SLMAP: variants seen among roughly 807,000 people sequenced by gnomAD.
The protein encoded by SLMAP is sarcolemmal membrane-associated protein.
SLMAP carries 44 observed loss-of-function variants against 128.8 expected under a neutral mutation model. The ratio of observed to expected loss-of-function variants is 0.34; its 90% CI spans 0.27 to 0.44. The LOEUF (loss-of-function observed/expected upper bound fraction) is 0.44, where lower values mean the gene tolerates loss of function less well. Ranked by LOEUF, SLMAP falls within the 20% of genes least tolerant of loss-of-function variation. The pLI is 1.00. For synonymous variants in SLMAP, 327 were observed against 348.8 expected, an observed-to-expected ratio of 0.94 and a Z score of 0.70; for missense variants, 787 against 985.3, an observed-to-expected ratio of 0.80 and a Z score of 2.69.
At chr3:57,825,931 G>A (rs931138047) in intron 2 of SLMAP, among the ~76,000 whole-genome samples, 22 of 152,044 alleles carry the variant, frequency 1.4e-4, no homozygotes, top group African/African-American at 5.3e-4. Context: ...GACTGTTTTC[G>A]AGACTTTTAA....
chr3:57,835,992 A>C (rs1328885298), intron 3 of SLMAP, among the ~76,000 whole-genome samples: 1 of 152,182 alleles, frequency 6.6e-6, no homozygotes, highest in East Asian at 1.9e-4. Context: ...TATCATACTA[A>C]AAACAATGGA....
At chr3:57,770,812 C>A (rs1480917774) in intron 2 of SLMAP, among the ~76,000 whole-genome samples, 1 of 152,072 alleles carries the variant, frequency 6.6e-6, no homozygotes, top group Admixed American at 6.6e-5. Context: ...ATTTTTCTTT[C>A]TTTTTTGGTT....
intron 17 of SLMAP, among the ~76,000 whole-genome samples, 190 bp from the exon 18 acceptor site, chr3:57,907,692 AAT>A (rs972798831): frequency 9.8e-5 from 15 of 152,302 alleles, no homozygotes; most frequent in East Asian, 9.6e-4. Flanking sequence ...CATGATTACT[AAT>A]ATATATAACT....
chr3:57,786,983 G>A (rs1045102728), intron 2 of SLMAP, among the ~76,000 whole-genome samples: 4 of 152,020 alleles, frequency 2.6e-5, no homozygotes, highest in Non-Finnish European at 5.9e-5. Context: ...TGATCCGCCC[G>A]CCTCGGCCTC....
At chr3:57,813,900 C>G (rs1451149032) in intron 2 of SLMAP, among the ~76,000 whole-genome samples, 20 of 151,746 alleles carry the variant, frequency 1.3e-4, no homozygotes, top group Admixed American at 1.1e-3. Flanking sequence ...GCCTATCTTC[C>G]TGAGCTTTTA....
intron 17 of SLMAP, chr3:57,897,777 A>G (rs376898941): frequency 3.0e-4 from 46 of 152,326 alleles, no homozygotes; most frequent in African/African-American, 1.1e-3. Context: ...TCTCACCTCT[A>G]AACAGGAAGT....
chr3:57,864,497 C>G (rs1479665134), intron 10 of SLMAP, 51 bp from the exon 11 acceptor site: 5 of 1,348,628 alleles, frequency 3.7e-6, no homozygotes, highest in Non-Finnish European at 5.1e-6. Context: ...GGGGCTCGCT[C>G]TTAAAACAGA....
In SLMAP at chr3:57,913,670, TG is replaced by T. The variant is rs2096747304; in HGVS notation, c.2138+396del. 2.0e-5 allele frequency among the ~76,000 whole-genome samples: 3 copies of T among 152,198 alleles called. No homozygotes were observed. The South Asian group carries it at 6.2e-4, about 32-fold the overall frequency. On this transcript the variant is annotated intron_variant, in intron 21 of 24. Coordinates refer to ENST00000671191, the MANE Select transcript of SLMAP (RefSeq NM_001377540.1). ...CAGGAAGTGACTATAATGAAGAATT[TG>T]TAAGGCTGGGCGTGGTGGTTCACGC...
intron 3 of SLMAP, among the ~76,000 whole-genome samples, chr3:57,834,108 G>GT (rs1310386530): frequency 3.3e-5 from 5 of 152,070 alleles, no homozygotes; most frequent in East Asian, 1.9e-4. Context: ...CCAAAATACA[G>GT]TAAGTCTTTT....
intron 13 of SLMAP, among the ~76,000 whole-genome samples, chr3:57,866,602 T>A (rs946042458): frequency 6.6e-6 from 1 of 152,234 alleles, no homozygotes; most frequent in Non-Finnish European, 1.5e-5. Context: ...TCCAATTTGA[T>A]GGAATTTAAA....
In SLMAP at chr3:57,922,970, G is replaced by A; in HGVS notation, c.2392G>A (p.Glu798Lys). 1 of 1,613,848 alleles carries A rather than the reference G, an allele frequency of 6.2e-7. No individual in the cohort carries two copies. Among genetic ancestry groups the A allele is most frequent in the South Asian group, 1.1e-5 (1 of 91,072 alleles). ...TEQEKQSITD[E>K]LKQCKNNLKL... ...GCAGGAAAAGCAGTCAATCACAGAT[G>A]AGCTCAAACAGTGTAAAAACAACCT... The change falls in exon 23 of 25, where the codon GAG becomes AAG. Residue 798 changes from glutamate to lysine, a missense_variant. By Grantham distance (56) the Glu-to-Lys change is moderately conservative. This residue lies in a region of SLMAP where 715 missense variants were observed against 843.6 expected (regional missense o/e 0.85). Transcript: ENST00000671191.
chr3:57,912,473 C>T lies in SLMAP; in HGVS notation c.1792C>T (p.Arg598Ter). 6.2e-7 allele frequency: 1 copy of T among 1,614,046 alleles called. No homozygotes were observed. Residue 598 changes from arginine (R) to a stop codon, truncating the protein, a stop_gained, in exon 20 of 25, where the codon CGA (arginine) becomes TGA (stop). Transcript: ENST00000671191. LOFTEE classifies it high-confidence loss of function. ...TACTAGAGATGAATTGCTTAGTGCC[C>T]GAGATGAAATTTTGCTCCTTCATCA... is the stretch of plus-strand genomic sequence containing the variant. ...TSTRDELLSA[R>*]DEILLLHQAA...
chr3:57,923,000 C>G lies in SLMAP; in HGVS notation c.2422C>G (p.Leu808Val). 1 of 1,613,818 alleles carries G rather than the reference C, an allele frequency of 6.2e-7. No individual in the cohort carries two copies. Among genetic ancestry groups the G allele is most frequent in the Non-Finnish European group, 8.5e-7 (1 of 1,179,932 alleles). Reference sequence around the variant, plus strand: ...CAAACAGTGTAAAAACAACCTGAAGCTGCTCCGAGAGAAAGGAAATAATGT... The same window carrying G: ...CAAACAGTGTAAAAACAACCTGAAGGTGCTCCGAGAGAAAGGAAATAATGT... The part of the protein sequence containing the change: ...ELKQCKNNLK[L>V]LREKGNNPSI... Residue 808 changes from leucine to valine, a missense_variant, in exon 23 of 25, where the codon CTG becomes GTG. Leu to Val is a conservative substitution (Grantham distance 32). This residue lies in a region of SLMAP where 715 missense variants were observed against 843.6 expected (regional missense o/e 0.85). Coordinates refer to ENST00000671191, the MANE Select transcript of SLMAP (RefSeq NM_001377540.1).
At chr3:57,833,790 T>TAA (rs532172231) in intron 3 of SLMAP, among the ~76,000 whole-genome samples, 8 of 145,798 alleles carry the variant, frequency 5.5e-5, no homozygotes, top group Admixed American at 1.4e-4. Context: ...AGATTAGATT[T>TAA]AAAAAAAAAA....
At chr3:57,906,332 T>TTTTTTTTTTTTTTTTTTTC (rs1491216777) in intron 17 of SLMAP, among the ~76,000 whole-genome samples, 1 of 136,954 alleles carries the variant, frequency 7.3e-6, no homozygotes, top group African/African-American at 2.7e-5. Context: ...TTTTTTTTTT[T>TTTTTTTTTTTTTTTTTTTC]AGAGACACAG....
At chr3:57,783,200 C>G (rs2083409395) in intron 2 of SLMAP, among the ~76,000 whole-genome samples, 1 of 152,150 alleles carries the variant, frequency 6.6e-6, no homozygotes, top group African/African-American at 2.4e-5. Flanking sequence ...AATGGTGATT[C>G]TGGTGAGAGC....
chr3:57,869,011 T>C (rs1178367588), intron 13 of SLMAP, among the ~76,000 whole-genome samples: 1 of 139,170 alleles, frequency 7.2e-6, no homozygotes, highest in East Asian at 2.0e-4. Context: ...ATATATAATA[T>C]ATATTATATG....
intron 15 of SLMAP, among the ~76,000 whole-genome samples, chr3:57,895,464 A>G (rs937112254): frequency 6.6e-6 from 1 of 151,986 alleles, no homozygotes; most frequent in Admixed American, 6.6e-5. Flanking sequence ...CCTCCCGAGT[A>G]GCTGGGATTA....
At chr3:57,778,990 G>A (rs1479036301) in intron 2 of SLMAP, among the ~76,000 whole-genome samples, 1 of 152,012 alleles carries the variant, frequency 6.6e-6, no homozygotes, top group African/African-American at 2.4e-5. Context: ...CAGGAGACGT[G>A]TTCAAGCATG....
Sources: gnomAD v4.1 joint callset for allele counts (sites outside exome capture counted in the v4.1 genomes callset) on GRCh38, gnomAD v4.1.1 for gene constraint, gnomAD v4.1.1 regional missense constraint, MANE v1.5 for transcripts, NCBI Gene and HGNC (gene_info 2026-07-23, HGNC 2026-07-21) for gene names.